Variants in CNTN1 observed in about 807,000 individuals in gnomAD.
CNTN1 encodes contactin-1.
In CNTN1, 38 loss-of-function variants were observed where a neutral mutation model predicts 126.4. The observed-to-expected ratio is 0.30, with a 90% CI of 0.23 to 0.39. CNTN1 has a LOEUF of 0.39. Ranked by LOEUF, CNTN1 falls within the 10% of genes least tolerant of loss-of-function variation. The pLI is 1.00. For synonymous variants in CNTN1, 413 were observed against 422.6 expected (o/e 0.98, Z 0.28); for missense variants, 1,009 against 1,248.4 (o/e 0.81, Z 2.89).
chr12:40,815,988 C>T (rs1311571395), intron 1 of CNTN1, among the ~76,000 whole-genome samples: 1 of 152,138 alleles, frequency 6.6e-6, no homozygotes, highest in African/African-American at 2.4e-5. Flanking sequence ...CCTTGCATCC[C>T]AGGGTTAAAG....
intron 1 of CNTN1, among the ~76,000 whole-genome samples, chr12:40,730,516 T>C (rs115718703): frequency 6.6e-6 from 1 of 152,282 alleles, no homozygotes; most frequent in East Asian, 1.9e-4. Context: ...ACACCTCACC[T>C]TTACATAGTT....
chr12:40,903,255 G>A (rs1944672980), intron 1 of CNTN1, among the ~76,000 whole-genome samples: 1 of 152,210 alleles, frequency 6.6e-6, no homozygotes, highest in Admixed American at 6.5e-5. Context: ...GACACGTTCA[G>A]GGAGCTGGCC....
intron 23 of CNTN1, among the ~76,000 whole-genome samples, chr12:41,043,498 A>G (rs1179041411): frequency 6.6e-6 from 1 of 152,174 alleles, no homozygotes; most frequent in Non-Finnish European, 1.5e-5. Context: ...GTCAGGAAAC[A>G]ACAGGTGCTG....
At chr12:40,774,441 T>C (rs1411550079) in intron 1 of CNTN1, among the ~76,000 whole-genome samples, 2 of 151,698 alleles carry the variant, frequency 1.3e-5, no homozygotes, top group African/African-American at 4.8e-5. Flanking sequence ...CAATTATTCA[T>C]GAGAGGGAAA....
chr12:40,926,540 C>T (rs1945701354), intron 6 of CNTN1, among the ~76,000 whole-genome samples: 1 of 151,946 alleles, frequency 6.6e-6, no homozygotes, highest in Non-Finnish European at 1.5e-5. Flanking sequence ...ATGCGATTTA[C>T]ATTGGTGGGC....
At chr12:40,967,106 G>T (rs541052008) in intron 15 of CNTN1, among the ~76,000 whole-genome samples, 50 of 152,180 alleles carry the variant, frequency 3.3e-4, no homozygotes, top group African/African-American at 1.2e-3. Context: ...GGCGGAGGTT[G>T]CAGTGAGCTA....
At chr12:40,765,736 AT>A (rs974958442) in intron 1 of CNTN1, among the ~76,000 whole-genome samples, 1 of 152,222 alleles carries the variant, frequency 6.6e-6, no homozygotes, top group Admixed American at 6.5e-5. Context: ...TAACACCCAT[AT>A]TTTTTGCCAA....
chr12:40,928,023 T>C (rs963680612), intron 6 of CNTN1, among the ~76,000 whole-genome samples: 8 of 152,092 alleles, frequency 5.3e-5, no homozygotes, highest in African/African-American at 1.4e-4. Context: ...AATTCAGGTC[T>C]CTGTATTCAC....
In CNTN1 at chr12:40,767,164, A is replaced by C. The variant is rs574422364; in HGVS notation, c.-77+74572A>C. Among the ~76,000 whole-genome samples, 13 of 152,220 alleles carry C rather than the reference A, an allele frequency of 8.5e-5. No individual in the cohort carries two copies. The East Asian group carries it at 1.2e-3, about 14-fold the overall frequency. On this transcript the variant is annotated intron_variant, in intron 1 of 23. Transcript: ENST00000551295. ...ATCAAGGAGAGTATTTAGAAATTTC[A>C]AATTTCCAATTTATTTTACATAGTC...
chr12:40,867,616 T>G (rs1456167721), intron 1 of CNTN1, among the ~76,000 whole-genome samples: 3 of 152,060 alleles, frequency 2.0e-5, no homozygotes, highest in Non-Finnish European at 2.9e-5. Context: ...ATATATAAAT[T>G]TTATTTGTCA....
At chr12:40,922,654 C>T (rs1945488134) in intron 5 of CNTN1, among the ~76,000 whole-genome samples, 2 of 152,048 alleles carry the variant, frequency 1.3e-5, no homozygotes, top group Non-Finnish European at 2.9e-5. Context: ...AGGCCAGCGT[C>T]TGAGGATCTT....
intron 1 of CNTN1, chr12:40,763,190 C>G (rs375024434): frequency 4.9e-4 from 75 of 152,294 alleles, no homozygotes; most frequent in African/African-American, 1.7e-3. Context: ...TTGTACAGCC[C>G]GCAAAACTGT....
At chr12:40,912,402 G>GA (rs11329660) in intron 3 of CNTN1, among the ~76,000 whole-genome samples, 16 of 145,992 alleles carry the variant, frequency 1.1e-4, no homozygotes, top group Non-Finnish European at 1.2e-4. Context: ...CTTTCAGAAA[G>GA]AAAAAAAAAA....
intron 1 of CNTN1, among the ~76,000 whole-genome samples, chr12:40,747,774 T>C (rs1565680432): frequency 6.6e-6 from 1 of 151,912 alleles, no homozygotes; most frequent in Non-Finnish European, 1.5e-5. Context: ...TGTGATTTGA[T>C]GCCAAAAAAA....
At chr12:40,882,154 C>T (rs966965347) in intron 1 of CNTN1, among the ~76,000 whole-genome samples, 15 of 151,494 alleles carry the variant, frequency 9.9e-5, no homozygotes, top group East Asian at 9.7e-4. Context: ...CTCAGTTTCC[C>T]AAGCATTAAT....
At chr12:40,925,593 A>ATATATATATATATGTG (rs1945632724) in intron 6 of CNTN1, among the ~76,000 whole-genome samples, 1 of 132,862 alleles carries the variant, frequency 7.5e-6, no homozygotes, top group South Asian at 2.2e-4. Context: ...ATATACATGT[A>ATATATATATATATGTG]TATATATATA....
chr12:40,891,745 A>G (rs966781758), intron 1 of CNTN1, among the ~76,000 whole-genome samples: 2 of 152,034 alleles, frequency 1.3e-5, no homozygotes, highest in African/African-American at 4.8e-5. Flanking sequence ...TGATCTATGT[A>G]TCTGTATTTT....
chr12:40,969,424 G>T (rs1381093916), intron 15 of CNTN1, among the ~76,000 whole-genome samples: 1 of 152,126 alleles, frequency 6.6e-6, no homozygotes, highest in East Asian at 1.9e-4. Context: ...CACAGAGAGA[G>T]AAAGAAATGT....
intron 1 of CNTN1, among the ~76,000 whole-genome samples, chr12:40,871,776 G>T (rs1052884590): frequency 6.6e-6 from 1 of 152,060 alleles, no homozygotes; most frequent in African/African-American, 2.4e-5. Context: ...AAGATAATTT[G>T]AATACTCATC....
Sources: gnomAD v4.1 joint callset for allele counts (sites outside exome capture counted in the v4.1 genomes callset) on GRCh38, gnomAD v4.1.1 for gene constraint, MANE v1.5 for transcripts, NCBI Gene and HGNC (gene_info 2026-07-23, HGNC 2026-07-21) for gene names.